LENG8: variants seen among roughly 807,000 people sequenced by gnomAD.
The protein encoded by LENG8 is leukocyte receptor cluster (LRC) member 8.
A neutral mutation model predicts 102.1 loss-of-function variants in LENG8; 28 were observed. That is an observed-to-expected ratio of 0.27 (90% confidence interval 0.20 to 0.38). The LOEUF (loss-of-function observed/expected upper bound fraction) is 0.38. Ranked by LOEUF, LENG8 falls within the 10% of genes least tolerant of loss-of-function variation. The pLI is 1.00. For synonymous variants in LENG8, 531 were observed against 456.7 expected (o/e 1.16, Z -2.07); for missense variants, 1,022 against 1,113.9 (o/e 0.92, Z 1.17).
In LENG8 at chr19:54,457,928, C is replaced by A. The variant is rs766643913; in HGVS notation, c.1834-6C>A. On this transcript the variant is annotated splice_polypyrimidine_tract_variant and splice_region_variant and intron_variant, in intron 12 of 15. Transcript: ENST00000326764. ...TGTGACTCTTGTTCTCGCCCCGCTG[C>A]CCCAGGTGCAGGGCATCCGCACCGA... The A allele has an allele frequency of 2.5e-6, 4 of 1,613,888 alleles. No individual in the cohort carries two copies. The highest frequency in any genetic ancestry group is 3.4e-6 in the Non-Finnish European group (4 of 1,179,978).
At position 54,456,404 on chromosome 19, in the gene LENG8, G is replaced by T; in HGVS notation, c.1384G>T (p.Gly462Cys). ...PVGRRNPPPK[G>C]RGGRGAHMDR... is the part of the protein sequence containing the mutation. ...GGGCCGCAGGAACCCGCCCCCTAAGGGCCGGGGCGGTCGAGGGGCCCATAT... is the reference window on the plus strand; with the variant it reads ...GGGCCGCAGGAACCCGCCCCCTAAGTGCCGGGGCGGTCGAGGGGCCCATAT... The change falls in exon 10 of 16, where the codon GGC becomes TGC. Residue 462 changes from glycine to cysteine, a missense_variant. By Grantham distance (159) the Gly-to-Cys change is radical. This residue lies in a region of LENG8 where 326 missense variants were observed against 324.5 expected (regional missense o/e 1.00). Coordinates refer to ENST00000326764, the MANE Select transcript of LENG8 (RefSeq NM_052925.4). 1 of 1,611,350 alleles carries T rather than the reference G, an allele frequency of 6.2e-7. No individual in the cohort carries two copies.
At chr19:54,453,935 G>GCAAAACCGGC in intron 5 of LENG8, among the ~76,000 whole-genome samples, 1 of 152,318 alleles carries the variant, frequency 6.6e-6, no homozygotes, top group African/African-American at 2.4e-5. Flanking sequence ...TGCATTGAAT[G>GCAAAACCGGC]TGCAGCTTGG....
At chr19:54,455,257 G>A (rs934203494) in intron 7 of LENG8, 107 bp from the exon 8 acceptor site, 1 of 1,506,626 alleles carries the variant, frequency 6.6e-7, no homozygotes, top group Non-Finnish European at 9.2e-7. Context: ...GAGACAGAAG[G>A]AAAACTTGGG....
chr19:54,460,976 G>A lies in LENG8; in HGVS notation c.*48G>A, dbSNP rs2084518701. 1 of 1,535,664 alleles carries A rather than the reference G, an allele frequency of 6.5e-7. No individual in the cohort carries two copies. The highest frequency in any genetic ancestry group is 1.4e-5 in the African/African-American group (1 of 73,054). ...GGCAGGGGCTGCAGCCCCCAGCGCTGCCTTTGCGGATTCTGTTTTTGAGCC... is the reference window on the plus strand; with the variant it reads ...GGCAGGGGCTGCAGCCCCCAGCGCTACCTTTGCGGATTCTGTTTTTGAGCC... On this transcript the variant is annotated 3_prime_UTR_variant, in exon 16 of 16. Coordinates refer to ENST00000326764, the MANE Select transcript of LENG8 (RefSeq NM_052925.4).
In LENG8 at chr19:54,449,274, G is replaced by C. The variant is rs1458132985; in HGVS notation, c.-92G>C. 1 of 152,452 alleles carries C rather than the reference G, an allele frequency of 6.6e-6. No homozygotes were observed. The highest frequency in any genetic ancestry group is 2.4e-5 in the African/African-American group (1 of 41,460). 9.4% of individuals were successfully genotyped at this position (152,452 alleles called of 1,614,324 possible). On this transcript the variant is annotated 5_prime_UTR_variant, in exon 1 of 16. Transcript: ENST00000326764. ...GGCCGTGTTGCTGATCGCCTGGGTG[G>C]TTGTTGGCGTGTCCCTGCAGCGAAG...
At chr19:54,453,144 C>G (rs1027563400) in intron 4 of LENG8, among the ~76,000 whole-genome samples, 3 of 152,188 alleles carry the variant, frequency 2.0e-5, no homozygotes, top group Non-Finnish European at 4.4e-5. Flanking sequence ...TTGAAAGTAG[C>G]ATTCCTGCCT....
intron 2 of LENG8, among the ~76,000 whole-genome samples, chr19:54,451,587 G>A (rs577214702): frequency 6.6e-6 from 1 of 152,182 alleles, no homozygotes; most frequent in Admixed American, 6.5e-5. Flanking sequence ...CTGAGCTTTC[G>A]TTTTTCACAG....
At position 54,451,366 on chromosome 19, in the gene LENG8, C is replaced by G. The variant is rs1291801374; in HGVS notation, c.22C>G (p.Gln8Glu). The change falls in exon 2 of 16, where the codon CAA (glutamine) becomes GAA (glutamate). Residue 8 changes from glutamine (Q) to glutamate (E), a missense_variant. By Grantham distance (29) the Gln-to-Glu change is conservative. Coordinates refer to ENST00000326764, the MANE Select transcript of LENG8 (RefSeq NM_052925.4). MAANVGD[Q>E]RSTDWSSQYS... Reference sequence around the variant, plus strand: ...CCAGATGGCGGCCAACGTGGGTGATCAACGTAGCACAGATTGGTTAGTGAG... The same window carrying G: ...CCAGATGGCGGCCAACGTGGGTGATGAACGTAGCACAGATTGGTTAGTGAG... 1 of 1,614,178 alleles carries G rather than the reference C, an allele frequency of 6.2e-7. No individual in the cohort carries two copies. Among genetic ancestry groups the G allele is most frequent in the South Asian group, 1.1e-5 (1 of 91,090 alleles).
rs747803403 is a variant in LENG8, at chr19:54,456,605, G to C, written c.1446-31G>C. ...GGCTGAAGGGGGGCTGGAGACGCCTGTCGCGCTCACTGCCCCTCATCCCTT... is the reference window on the plus strand; with the variant it reads ...GGCTGAAGGGGGGCTGGAGACGCCTCTCGCGCTCACTGCCCCTCATCCCTT... On this transcript the variant is annotated intron_variant, in intron 10 of 15. Coordinates refer to ENST00000326764, the MANE Select transcript of LENG8 (RefSeq NM_052925.4). The C allele has an allele frequency of 6.3e-6, 10 of 1,587,940 alleles. No individual in the cohort carries two copies. The East Asian group carries it at 2.3e-4, about 36-fold the overall frequency.
At chr19:54,450,146 G>C (rs2083890137) in intron 1 of LENG8, among the ~76,000 whole-genome samples, 1 of 152,032 alleles carries the variant, frequency 6.6e-6, no homozygotes. Flanking sequence ...CATGTTTTGG[G>C]TCTTCTTTGG....
chr19:54,452,361 C>G, intron 3 of LENG8, 94 bp downstream of exon 3: 1 of 1,166,570 alleles, frequency 8.6e-7, no homozygotes, highest in East Asian at 2.5e-5. Context: ...ACGGGGTGCT[C>G]TGAGGGGAAA....
intron 15 of LENG8, chr19:54,460,305 C>T (rs1875095504): frequency 8.0e-7 from 1 of 1,248,042 alleles, no homozygotes; most frequent in South Asian, 1.3e-5. Context: ...CCGGAAGTGA[C>T]TGCTTTCAGT....
intron 1 of LENG8, among the ~76,000 whole-genome samples, chr19:54,451,074 T>C (rs1445745833): frequency 6.6e-6 from 1 of 152,138 alleles, no homozygotes; most frequent in Non-Finnish European, 1.5e-5. Flanking sequence ...TCCTTCGTTT[T>C]CCACCTGGAG....
rs2083811711 is a variant in LENG8, at chr19:54,449,211, A to G, written c.-155A>G. 1 of 152,442 alleles carries G rather than the reference A, an allele frequency of 6.6e-6. No homozygotes were observed. The highest frequency in any genetic ancestry group is 2.4e-5 in the African/African-American group (1 of 41,458). The allele number at this position is 152,442 out of a possible 1,614,324, so 9.4% of individuals were successfully genotyped here. On this transcript the variant is annotated 5_prime_UTR_variant, in exon 1 of 16. Transcript: ENST00000326764. The stretch of plus-strand genomic sequence containing the variant: ...GCCGCGGTCAGGACGTCGAAGCCAA[A>G]GAAGACCAGAGCCAGCCGGGTGGCA...
At position 54,452,245 on chromosome 19, in the gene LENG8, A is replaced by G. The variant is rs373837656; in HGVS notation, c.191A>G (p.Asn64Ser). ...AAGGSAKSSS[N>S]GPVASAQYVS... ...GGCGGCTCTGCCAAGTCCAGCAGCA[A>G]TGGGCCTGTGGCCAGTGCACAGGTG... The change falls in exon 3 of 16, where the codon AAT (asparagine) becomes AGT (serine). Residue 64 changes from asparagine (N) to serine (S), a missense_variant. By Grantham distance (46) the Asn-to-Ser change is conservative. Transcript: ENST00000326764. 4.2e-5 allele frequency: 68 copies of G among 1,613,094 alleles called. No homozygotes were observed. The highest frequency in any genetic ancestry group is 2.2e-4 in the South Asian group (20 of 91,038).
At chr19:54,457,542 T>C (rs1004813158) in intron 11 of LENG8, among the ~76,000 whole-genome samples, 1 of 152,050 alleles carries the variant, frequency 6.6e-6, no homozygotes, top group African/African-American at 2.4e-5. Flanking sequence ...GGTTTCACCA[T>C]GTTGGCCAGG....
intron 5 of LENG8, 133 bp downstream of exon 5, chr19:54,453,789 T>C: frequency 1.5e-6 from 1 of 660,734 alleles, no homozygotes. Flanking sequence ...GATCTGAAAA[T>C]GAGGAGGACA....
chr19:54,453,679 A>G (rs1599964023), intron 5 of LENG8, 23 bp downstream of exon 5: 3 of 1,535,976 alleles, frequency 2.0e-6, no homozygotes, highest in East Asian at 2.3e-5. Flanking sequence ...CCCAGCTCCC[A>G]TACCCTGCTC....
In LENG8 at chr19:54,455,008, C is replaced by A. The variant is rs747883265; in HGVS notation, c.737C>A (p.Thr246Asn). 5.8e-5 allele frequency: 93 copies of A among 1,614,106 alleles called. No individual in the cohort carries two copies. Among genetic ancestry groups the A allele is most frequent in the Non-Finnish European group, 7.8e-5 (92 of 1,180,054 alleles). Reference protein sequence around the residue: ...FNIQKRPFAVTTQSFGSNAEG... With the variant: ...FNIQKRPFAVNTQSFGSNAEG... ...ATCCAGAAGCGACCCTTTGCTGTTA[C>A]CACCCAGAGCTTTGGCTCCAACGCA... Residue 246 changes from threonine to asparagine, a missense_variant, in exon 7 of 16, where the codon ACC becomes AAC. Thr to Asn is a moderately conservative substitution (Grantham distance 65). Transcript: ENST00000326764.
Sources: allele counts gnomAD v4.1 joint callset (sites outside exome capture counted in the v4.1 genomes callset), GRCh38; gene constraint gnomAD v4.1.1; regional missense constraint gnomAD v4.1.1; transcripts MANE v1.5; gene names NCBI Gene and HGNC (gene_info 2026-07-23, HGNC 2026-07-21).